The following EFCAB6 variants were observed in gnomAD, a reference collection of about 807,000 sequenced individuals.
The protein encoded by EFCAB6 is EF-hand calcium-binding domain-containing protein 6.
Under a neutral mutation model 169.8 loss-of-function variants are expected in EFCAB6, and 156 were observed. The ratio of observed to expected loss-of-function variants is 0.92; its 90% CI spans 0.81 to 1.05. The LOEUF (loss-of-function observed/expected upper bound fraction) is 1.05, where lower values mean the gene tolerates loss of function less well. EFCAB6 is among the 50% of genes least tolerant of loss of function. The probability of loss-of-function intolerance (pLI) is 0.00; values close to 1 mark genes in which losing one functional copy is unlikely to be tolerated. For missense variants in EFCAB6, 1,800 were observed against 1,829.1 expected (o/e 0.98, Z 0.29); for synonymous variants, 698 against 676.4 (o/e 1.03, Z -0.50).
chr22:43,716,098 T>C (rs1460415019), intron 9 of EFCAB6, among the ~76,000 whole-genome samples: 1 of 152,246 alleles, frequency 6.6e-6, no homozygotes, highest in African/African-American at 2.4e-5. Context: ...CTTTACTTCA[T>C]GCTTACAAGA....
At chr22:43,670,811 G>A (rs1003705262) in intron 15 of EFCAB6, among the ~76,000 whole-genome samples, 1 of 152,176 alleles carries the variant, frequency 6.6e-6, no homozygotes, top group African/African-American at 2.4e-5. Context: ...GGCAAGAGAG[G>A]GCCCAGCGTT....
intron 26 of EFCAB6, among the ~76,000 whole-genome samples, chr22:43,574,417 G>C (rs576684493): frequency 6.6e-6 from 1 of 152,080 alleles, no homozygotes; most frequent in African/African-American, 2.4e-5. Flanking sequence ...GTGGCTACAT[G>C]ACTTCTGGGA....
chr22:43,676,202 G>A (rs2057749862), intron 13 of EFCAB6, among the ~76,000 whole-genome samples: 6 of 152,004 alleles, frequency 3.9e-5, no homozygotes, highest in Admixed American at 3.9e-4. Flanking sequence ...CAGATCACAA[G>A]GTCAGGAGAT....
chr22:43,534,282 C>A (rs1428656799), intron 30 of EFCAB6, among the ~76,000 whole-genome samples: 1 of 152,172 alleles, frequency 6.6e-6, no homozygotes, highest in Non-Finnish European at 1.5e-5. Flanking sequence ...TCTCTCTCAC[C>A]TGGCACCATG....
At chr22:43,786,935 T>C (rs1372758624) in intron 2 of EFCAB6, among the ~76,000 whole-genome samples, 1 of 152,120 alleles carries the variant, frequency 6.6e-6, no homozygotes, top group Non-Finnish European at 1.5e-5. Context: ...ATAAACCATA[T>C]TATTAATCAA....
intron 10 of EFCAB6, among the ~76,000 whole-genome samples, chr22:43,701,317 C>A (rs2058756973): frequency 6.6e-6 from 1 of 152,202 alleles, no homozygotes; most frequent in African/African-American, 2.4e-5. Flanking sequence ...TCAGCAGATT[C>A]TTCCTTCTTA....
chr22:43,807,868 A>C (rs1339350630), intron 2 of EFCAB6, among the ~76,000 whole-genome samples: 1 of 152,200 alleles, frequency 6.6e-6, no homozygotes, highest in African/African-American at 2.4e-5. Flanking sequence ...CCATATACAC[A>C]TTGGCCATTT....
At chr22:43,541,566 C>T (rs2047725344) in intron 27 of EFCAB6, among the ~76,000 whole-genome samples, 2 of 148,948 alleles carry the variant, frequency 1.3e-5, no homozygotes, top group South Asian at 2.2e-4. Context: ...CGTGTAGATT[C>T]GTGTTGATTG....
intron 8 of EFCAB6, among the ~76,000 whole-genome samples, chr22:43,718,124 C>T (rs1456613585): frequency 2.6e-5 from 4 of 151,552 alleles, no homozygotes; most frequent in East Asian, 1.9e-4. Flanking sequence ...GGATACTACA[C>T]GAAAAAGAAA....
chr22:43,568,936 GGGGCCCATGTGACCACCCTTCACA>G (rs1350537867), intron 26 of EFCAB6, among the ~76,000 whole-genome samples: 1 of 152,198 alleles, frequency 6.6e-6, no homozygotes, highest in East Asian at 1.9e-4. Context: ...AGTGGGGAAG[GGGGCCCATGTGACCACCCTTCACA>G]GGGCCCAGGT....
intron 22 of EFCAB6, 122 bp downstream of exon 22, chr22:43,608,360 A>G: frequency 1.3e-6 from 1 of 791,252 alleles, no homozygotes; most frequent in Non-Finnish European, 2.1e-6. Context: ...GACAGATGCA[A>G]CCAAGAGAAA....
chr22:43,746,592 G>GC (rs1400046799), intron 6 of EFCAB6, among the ~76,000 whole-genome samples: 1 of 152,106 alleles, frequency 6.6e-6, no homozygotes, highest in Non-Finnish European at 1.5e-5. Flanking sequence ...ATGAAAAGGT[G>GC]CCCCGTCTAT....
intron 21 of EFCAB6, among the ~76,000 whole-genome samples, chr22:43,612,662 C>T (rs1365459791): frequency 2.0e-5 from 3 of 152,028 alleles, no homozygotes; most frequent in Non-Finnish European, 4.4e-5. Context: ...GAGGCCAAGG[C>T]GGGTGGATCC....
chr22:43,809,632 A>G (rs1318656837), intron 1 of EFCAB6, among the ~76,000 whole-genome samples: 1 of 151,778 alleles, frequency 6.6e-6, no homozygotes, highest in African/African-American at 2.4e-5. Flanking sequence ...TTTGAGATGG[A>G]GTTTTACTCT....
intron 10 of EFCAB6, among the ~76,000 whole-genome samples, chr22:43,699,836 T>C (rs1339090406): frequency 6.6e-6 from 1 of 152,234 alleles, no homozygotes; most frequent in East Asian, 1.9e-4. Context: ...GCTTATTTTT[T>C]CTGTTTGTAT....
intron 19 of EFCAB6, among the ~76,000 whole-genome samples, chr22:43,630,929 G>A (rs1408102584): frequency 1.3e-5 from 2 of 150,712 alleles, no homozygotes; most frequent in African/African-American, 2.5e-5. Context: ...TGCACATTCT[G>A]AAAACTGGAC....
intron 10 of EFCAB6, among the ~76,000 whole-genome samples, chr22:43,704,198 A>G (rs2058868818): frequency 6.6e-6 from 1 of 152,174 alleles, no homozygotes; most frequent in Admixed American, 6.5e-5. Flanking sequence ...AACAGGAGAG[A>G]GTGGGATGAT....
At chr22:43,598,471 T>C (rs2052230363) in intron 23 of EFCAB6, among the ~76,000 whole-genome samples, 1 of 151,958 alleles carries the variant, frequency 6.6e-6, no homozygotes, top group South Asian at 2.1e-4. Flanking sequence ...TGCAATTTAA[T>C]AGAAGGAATA....
intron 20 of EFCAB6, 92 bp from the exon 21 acceptor site, chr22:43,616,014 A>C: frequency 9.8e-7 from 1 of 1,015,528 alleles, no homozygotes; most frequent in Non-Finnish European, 1.4e-6. Flanking sequence ...TGTTTGTTTC[A>C]AGGATACCAT....
Sources: allele counts gnomAD v4.1 joint callset (sites outside exome capture counted in the v4.1 genomes callset), GRCh38; gene constraint gnomAD v4.1.1; transcripts MANE v1.5; gene names NCBI Gene and HGNC (gene_info 2026-07-23, HGNC 2026-07-21).